The following TMIGD3 variants were observed in gnomAD, a reference collection of about 807,000 sequenced individuals.
The protein encoded by TMIGD3 is AD026 protein (AD026).
In TMIGD3, 21 loss-of-function variants were observed where a neutral mutation model predicts 28.1. The ratio of observed to expected loss-of-function variants is 0.75; its 90% CI spans 0.53 to 1.08. The LOEUF is 1.08. Ranked by LOEUF, TMIGD3 falls within the 50% of genes least tolerant of loss-of-function variation. The pLI, the probability that TMIGD3 is intolerant of heterozygous loss-of-function variation, is 0.00. For synonymous variants in TMIGD3, 151 were observed against 162.1 expected, an observed-to-expected ratio of 0.93 and a Z score of 0.52; for missense variants, 416 against 435.6, an observed-to-expected ratio of 0.96 and a Z score of 0.40.
chr1:111,529,599 G>A (rs1656381784), intron 1 of TMIGD3, among the ~76,000 whole-genome samples: 1 of 149,956 alleles, frequency 6.7e-6, no homozygotes, highest in Admixed American at 6.7e-5. Flanking sequence ...TCAAGCATCT[G>A]TTTAACAAAG....
At chr1:111,518,203 G>A (rs1270000456) in intron 1 of TMIGD3, among the ~76,000 whole-genome samples, 1 of 152,192 alleles carries the variant, frequency 6.6e-6, no homozygotes, top group Non-Finnish European at 1.5e-5. Context: ...GACAGACATG[G>A]ATGGTCTTGA....
chr1:111,519,975 G>A (rs961260800), intron 1 of TMIGD3, among the ~76,000 whole-genome samples: 3 of 152,188 alleles, frequency 2.0e-5, no homozygotes, highest in Admixed American at 1.3e-4. Flanking sequence ...TTACAGGCGT[G>A]AGCCACCGTA....
At chr1:111,504,167 A>G (rs762869116), upstream of TMIGD3, 101 of 981,496 alleles carry the variant, frequency 1.0e-4, no homozygotes, top group Non-Finnish European at 1.2e-4. Context: ...AGAAGGGCAA[A>G]AACTCAGCAC....
intron 1 of TMIGD3, among the ~76,000 whole-genome samples, chr1:111,554,028 T>C (rs1021792988): frequency 1.3e-5 from 2 of 152,264 alleles, no homozygotes; most frequent in Non-Finnish European, 2.9e-5. Flanking sequence ...ATGTGACTGA[T>C]TGGAATGGTT....
chr1:111,533,413 A>T (rs12737501), intron 1 of TMIGD3, among the ~76,000 whole-genome samples: 4 of 152,386 alleles, frequency 2.6e-5, no homozygotes, highest in Admixed American at 1.3e-4. Flanking sequence ...ACCAAAAAGT[A>T]TAAAAGTATA....
At chr1:111,513,585 T>G (rs1655762810) in intron 1 of TMIGD3, among the ~76,000 whole-genome samples, 1 of 152,130 alleles carries the variant, frequency 6.6e-6, no homozygotes, top group African/African-American at 2.4e-5. Flanking sequence ...CAAGATAAAA[T>G]CTCATTCTGT....
chr1:111,563,709 T>C, intron 1 of TMIGD3: 3 of 641,418 alleles, frequency 4.7e-6, no homozygotes, highest in Non-Finnish European at 8.3e-6. Flanking sequence ...ACAAATTATC[T>C]CTATTTTACA....
intron 1 of TMIGD3, among the ~76,000 whole-genome samples, chr1:111,554,957 C>T (rs1657420220): frequency 6.6e-6 from 1 of 152,010 alleles, no homozygotes; most frequent in Non-Finnish European, 1.5e-5. Flanking sequence ...AAGTGACCTA[C>T]CGAGACTTTA....
intron 1 of TMIGD3, chr1:111,499,922 A>G (rs781394667): frequency 1.2e-6 from 2 of 1,606,156 alleles, no homozygotes; most frequent in South Asian, 2.2e-5. Context: ...CTGAAGGTCA[A>G]TGAGACAGAG....
At chr1:111,523,316 T>C (rs1656144006) in intron 1 of TMIGD3, among the ~76,000 whole-genome samples, 1 of 152,246 alleles carries the variant, frequency 6.6e-6, no homozygotes, top group Non-Finnish European at 1.5e-5. Context: ...CTCTCATTTC[T>C]GGGATAAAGC....
intron 1 of TMIGD3, among the ~76,000 whole-genome samples, chr1:111,554,365 G>A (rs558307703): frequency 3.7e-4 from 56 of 152,254 alleles, no homozygotes; most frequent in African/African-American, 1.3e-3. Context: ...TCTTTTGTTT[G>A]ACAAAAAATA....
intron 1 of TMIGD3, among the ~76,000 whole-genome samples, chr1:111,532,293 T>C (rs945965): frequency 1 from 152,184 of 152,326 alleles, 76,021 homozygotes; most frequent in Middle Eastern, 1. Context: ...CTCCCATGTC[T>C]ATCTTCTCAA....
intron 1 of TMIGD3, chr1:111,500,939 A>G: frequency 3.4e-6 from 1 of 295,816 alleles, no homozygotes; most frequent in Non-Finnish European, 6.3e-6. Flanking sequence ...TTTTAACTCA[A>G]AAACATCCAC....
rs182410057 is a variant in TMIGD3 at position 111,528,288 on chromosome 1, A to G, written c.107+35558T>C. On this transcript the variant is annotated intron_variant, in intron 1 of 5. Coordinates refer to the TMIGD3 transcript ENST00000369717. ...ATCTTTCTTACAATGGAGACATTGT[A>G]TTGCCTTTGCTCACTTGTCAAAAAT... Among the ~76,000 whole-genome samples the G allele has an allele frequency of 2.0e-5, 3 of 152,290 alleles. No individual in the cohort carries two copies. The East Asian group carries it at 5.8e-4, about 29-fold the overall frequency.
At chr1:111,508,717 C>T (rs1428550068) in intron 1 of TMIGD3, among the ~76,000 whole-genome samples, 1 of 152,206 alleles carries the variant, frequency 6.6e-6, no homozygotes, top group Non-Finnish European at 1.5e-5. Flanking sequence ...ATGTGCAAAG[C>T]TCCTCCCACA....
rs781238497 is a variant in TMIGD3 at position 111,503,403 on chromosome 1, C to T, written c.-49G>A. On this transcript the variant is annotated 5_prime_UTR_variant, in exon 1 of 6. Transcript: ENST00000369716. ...ACAGGGACAGGTGAGCCAGCAAGATCCGTCTGTAGGGCCAGTGGGCCTAGC... is the reference window on the plus strand; with the variant it reads ...ACAGGGACAGGTGAGCCAGCAAGATTCGTCTGTAGGGCCAGTGGGCCTAGC... 3 of 1,552,904 alleles carry T rather than the reference C, an allele frequency of 1.9e-6. No individual in the cohort carries two copies. The African/African-American group carries it at 4.1e-5, about 21-fold the overall frequency.
At chr1:111,491,793 G>T (rs1191372775) in intron 1 of TMIGD3, among the ~76,000 whole-genome samples, 1 of 152,214 alleles carries the variant, frequency 6.6e-6, no homozygotes, top group Non-Finnish European at 1.5e-5. Flanking sequence ...GAACTTATTT[G>T]GATCCTGATT....
chr1:111,502,866 C>T, intron 1 of TMIGD3, 139 bp downstream of exon 1: 1 of 1,093,800 alleles, frequency 9.1e-7, no homozygotes, highest in Non-Finnish European at 1.3e-6. Flanking sequence ...CAGACCATAT[C>T]ACAAAAAGAC....
chr1:111,491,380 A>G (rs913442142), intron 1 of TMIGD3, among the ~76,000 whole-genome samples: 1 of 152,262 alleles, frequency 6.6e-6, no homozygotes, highest in Non-Finnish European at 1.5e-5. Flanking sequence ...TCATCTATGC[A>G]GCAGCAGCTT....
Sources: allele counts gnomAD v4.1 joint callset (sites outside exome capture counted in the v4.1 genomes callset), GRCh38; gene constraint gnomAD v4.1.1; transcripts MANE v1.5; gene names NCBI Gene and HGNC (gene_info 2026-07-23, HGNC 2026-07-21).